TMC3: variants seen among roughly 807,000 people sequenced by gnomAD.
TMC3 encodes transmembrane channel-like protein 3.
TMC3 carries 98 observed loss-of-function variants against 110.6 expected under a neutral mutation model. The observed-to-expected ratio is 0.89, with a 90% CI of 0.75 to 1.05. The LOEUF (loss-of-function observed/expected upper bound fraction) is 1.05, where lower values mean the gene tolerates loss of function less well. Among genes scored for constraint, TMC3 ranks in the 50% least tolerant of loss-of-function variants. The pLI is 0.00. For synonymous variants in TMC3, 489 were observed against 513.1 expected, an observed-to-expected ratio of 0.95 and a Z score of 0.63; for missense variants, 1,319 against 1,373.2, an observed-to-expected ratio of 0.96 and a Z score of 0.62.
chr15:81,366,501 A>G (rs1894320549), intron 3 of TMC3, among the ~76,000 whole-genome samples: 1 of 152,198 alleles, frequency 6.6e-6, no homozygotes, highest in Admixed American at 6.5e-5. Flanking sequence ...TATACCTTTA[A>G]TAATACTGAG....
At chr15:81,347,107 T>C (rs1249042478) in intron 11 of TMC3, among the ~76,000 whole-genome samples, 4 of 152,198 alleles carry the variant, frequency 2.6e-5, no homozygotes, top group Non-Finnish European at 5.9e-5. Context: ...TGGAAGGTTT[T>C]GGAAACACAT....
chr15:81,358,181 C>T lies in TMC3; in HGVS notation c.711G>A (p.Val237=), dbSNP rs777904549. ...PLAYFLVGMA[V]FAYSFIILLK... ...AAAGAATGATGAAGCTGTAAGCAAA[C>T]ACTGCCATCCCCACTAGGAAATACG... Residue 237 remains valine, a synonymous_variant, in exon 7 of 22, where the codon GTG becomes GTA. Transcript: ENST00000359440. 3 of 1,607,032 alleles carry T rather than the reference C, an allele frequency of 1.9e-6. No individual in the cohort carries two copies. Among genetic ancestry groups the T allele is most frequent in the Non-Finnish European group, 2.5e-6 (3 of 1,177,832 alleles).
rs1398326637 is a variant in TMC3, at chr15:81,362,311, A to T, written c.313-10T>A. Reference sequence around the variant, plus strand: ...CAAATTTCCGCCAGAGCTAGACAAGAGGGGTCAGGATTAGAGAGGTCACGT... The same window carrying T: ...CAAATTTCCGCCAGAGCTAGACAAGTGGGGTCAGGATTAGAGAGGTCACGT... On this transcript the variant is annotated splice_polypyrimidine_tract_variant and intron_variant, in intron 3 of 21. Coordinates refer to ENST00000359440, the MANE Select transcript of TMC3 (RefSeq NM_001080532.3). 2 of 1,608,466 alleles carry T rather than the reference A, an allele frequency of 1.2e-6. No homozygotes were observed. Among genetic ancestry groups the T allele is most frequent in the Non-Finnish European group, 1.7e-6 (2 of 1,176,966 alleles).
At chr15:81,352,336 G>A (rs185584346) in intron 9 of TMC3, among the ~76,000 whole-genome samples, 4 of 152,216 alleles carry the variant, frequency 2.6e-5, no homozygotes, top group East Asian at 1.9e-4. Flanking sequence ...GGTCAATGAC[G>A]GACTGCATAT....
At chr15:81,350,650 T>C (rs925632293) in intron 10 of TMC3, among the ~76,000 whole-genome samples, 2 of 152,224 alleles carry the variant, frequency 1.3e-5, no homozygotes, top group African/African-American at 4.8e-5. Flanking sequence ...TTGATAAATA[T>C]GCACACGGTA....
chr15:81,345,042 G>A, intron 12 of TMC3, 31 bp from the exon 13 acceptor site: 2 of 1,548,244 alleles, frequency 1.3e-6, no homozygotes, highest in Non-Finnish European at 1.7e-6. Context: ...AGAGAGGGAA[G>A]CAGGGGAGAA....
At chr15:81,342,474 A>G (rs1405301761) in intron 15 of TMC3, among the ~76,000 whole-genome samples, 2 of 152,230 alleles carry the variant, frequency 1.3e-5, no homozygotes, top group Non-Finnish European at 2.9e-5. Flanking sequence ...CTACAGGTAG[A>G]AAAGTACTTG....
At chr15:81,369,520 A>G (rs1288974807) in intron 2 of TMC3, among the ~76,000 whole-genome samples, 1 of 152,220 alleles carries the variant, frequency 6.6e-6, no homozygotes, top group Non-Finnish European at 1.5e-5. Context: ...TTGAAGTCAA[A>G]TAACAATTCA....
At chr15:81,354,106 C>A (rs529320022) in intron 9 of TMC3, among the ~76,000 whole-genome samples, 1 of 152,286 alleles carries the variant, frequency 6.6e-6, no homozygotes, top group African/African-American at 2.4e-5. Flanking sequence ...TTTTTTCTAA[C>A]ACTGGAGGAC....
Position 81,332,941 on chromosome 15 carries a change from T to C in TMC3, c.2781A>G (p.Gln927=), listed in dbSNP as rs376613450. The C allele has an allele frequency of 2.2e-5, 35 of 1,612,596 alleles. No homozygotes were observed. Among genetic ancestry groups the C allele is most frequent in the East Asian group, 8.9e-5 (4 of 44,878 alleles). The change falls in exon 22 of 22, where the codon CAA becomes CAG. Residue 927 remains glutamine (Q), a synonymous_variant. Coordinates refer to ENST00000359440, the MANE Select transcript of TMC3 (RefSeq NM_001080532.3). ...IVELYPRNVR[Q]YASRVPRQPP... ...GCTGGCGGGGGACCCGGGATGCATATTGTCGCACGTTCCTGGGGTACAGCT... is the reference window on the plus strand; with the variant it reads ...GCTGGCGGGGGACCCGGGATGCATACTGTCGCACGTTCCTGGGGTACAGCT...
rs1218651380 is a variant in TMC3 at position 81,332,572 on chromosome 15, A to G, written c.3150T>C (p.Ser1050=). ...ESDSVSAASS[S]DQQNSSADQY... is the part of the protein sequence containing the mutation. Reference sequence around the variant, plus strand: ...GGTCAGCGCTGCTGTTCTGCTGGTCACTGCTGGATGCTGCCGACACGGAGT... The same window carrying G: ...GGTCAGCGCTGCTGTTCTGCTGGTCGCTGCTGGATGCTGCCGACACGGAGT... Residue 1050 remains serine (S), a synonymous_variant, in exon 22 of 22, where the codon AGT becomes AGC. Coordinates refer to ENST00000359440, the MANE Select transcript of TMC3 (RefSeq NM_001080532.3). The G allele has an allele frequency of 1.2e-6, 2 of 1,613,852 alleles. No individual in the cohort carries two copies. The highest frequency in any genetic ancestry group is 3.3e-5 in the Admixed American group (2 of 60,000).
chr15:81,358,042 A>ATCAAGTTC (rs1490405843), intron 7 of TMC3, 107 bp downstream of exon 7: 1 of 1,315,692 alleles, frequency 7.6e-7, no homozygotes, highest in East Asian at 2.6e-5. Context: ...ATTTTGAGAA[A>ATCAAGTTC]TCAAGCAGTC....
chr15:81,336,973 T>C (rs567431878), intron 19 of TMC3, among the ~76,000 whole-genome samples: 4 of 152,258 alleles, frequency 2.6e-5, no homozygotes, highest in African/African-American at 9.6e-5. Context: ...ACACTGGAGA[T>C]GTATGTTTCC....
chr15:81,333,749 G>A (rs984873660), intron 21 of TMC3, among the ~76,000 whole-genome samples: 1 of 152,134 alleles, frequency 6.6e-6, no homozygotes, highest in Non-Finnish European at 1.5e-5. Context: ...AGCGCTTTGG[G>A]AGGCCAAGGC....
chr15:81,362,781 G>C (rs1189356343), intron 3 of TMC3, among the ~76,000 whole-genome samples: 2 of 152,178 alleles, frequency 1.3e-5, no homozygotes, highest in African/African-American at 4.8e-5. Context: ...AGGGGATTCT[G>C]AGAGTGTGCC....
chr15:81,364,772 C>T (rs967241104), intron 3 of TMC3, among the ~76,000 whole-genome samples: 1 of 151,296 alleles, frequency 6.6e-6, no homozygotes, highest in African/African-American at 2.4e-5. Context: ...ATTCTGTACC[C>T]TGGTAGTGTT....
At chr15:81,364,455 TCTCA>T (rs1291301170) in intron 3 of TMC3, among the ~76,000 whole-genome samples, 3 of 146,806 alleles carry the variant, frequency 2.0e-5, no homozygotes, top group Non-Finnish European at 4.5e-5. Flanking sequence ...AAAGCAATAT[TCTCA>T]CTCATAGGTG....
chr15:81,350,818 A>G (rs1293870561), intron 10 of TMC3, among the ~76,000 whole-genome samples: 1 of 152,222 alleles, frequency 6.6e-6, no homozygotes, highest in Non-Finnish European at 1.5e-5. Context: ...CTTAAAATGA[A>G]TATTTAGAAT....
intron 21 of TMC3, 75 bp from the exon 22 acceptor site, chr15:81,333,337 G>C (rs1596076935): frequency 1.3e-6 from 2 of 1,527,264 alleles, no homozygotes; most frequent in East Asian, 4.5e-5. Flanking sequence ...TGTGAGCTGT[G>C]AGCAGTTCTC....
Sources: allele counts gnomAD v4.1 joint callset (sites outside exome capture counted in the v4.1 genomes callset), GRCh38; gene constraint gnomAD v4.1.1; transcripts MANE v1.5; gene names NCBI Gene and HGNC (gene_info 2026-07-23, HGNC 2026-07-21).